TMEM108: variants seen among roughly 807,000 people sequenced by gnomAD.
The protein encoded by TMEM108 is transmembrane protein 108.
TMEM108 carries 12 observed loss-of-function variants against 35.1 expected under a neutral mutation model. The observed-to-expected ratio is 0.34, with a 90% CI of 0.22 to 0.55. TMEM108 has a LOEUF of 0.55. TMEM108 is among the 20% of genes least tolerant of loss of function. The pLI, the probability that TMEM108 is intolerant of heterozygous loss-of-function variation, is 0.89. For synonymous variants in TMEM108, 287 were observed against 308.6 expected (o/e 0.93, Z 0.73); for missense variants, 680 against 753.3 (o/e 0.90, Z 1.14).
intron 2 of TMEM108, among the ~76,000 whole-genome samples, chr3:133,194,211 A>G (rs921595754): frequency 1.3e-5 from 2 of 152,196 alleles, no homozygotes; most frequent in Admixed American, 1.3e-4. Flanking sequence ...CTGGGATTAC[A>G]GGCATGATCC....
intron 2 of TMEM108, among the ~76,000 whole-genome samples, chr3:133,108,628 A>G (rs1944187643): frequency 6.6e-6 from 1 of 151,834 alleles, no homozygotes; most frequent in Non-Finnish European, 1.5e-5. Flanking sequence ...GTTTAATTAG[A>G]TCCCATTTAT....
intron 3 of TMEM108, chr3:133,378,481 A>G (rs2107835404): frequency 5.1e-6 from 5 of 985,506 alleles, no homozygotes; most frequent in Non-Finnish European, 6.0e-6. Context: ...CCATAGTCAG[A>G]GGAGCCTAGC....
At chr3:133,043,785 C>T (rs951848457) in intron 1 of TMEM108, among the ~76,000 whole-genome samples, 1 of 152,092 alleles carries the variant, frequency 6.6e-6, no homozygotes, top group Non-Finnish European at 1.5e-5. Flanking sequence ...AAAAAAAAAT[C>T]CTTAGGTTCC....
chr3:133,257,250 G>A (rs191310928), intron 3 of TMEM108: 20 of 152,278 alleles, frequency 1.3e-4, no homozygotes, highest in Middle Eastern at 3.4e-3. Context: ...GTTATTGAAG[G>A]ATTAACTATA....
chr3:133,270,815 ACACACT>A (rs1216545566), intron 3 of TMEM108, among the ~76,000 whole-genome samples: 4 of 150,716 alleles, frequency 2.7e-5, no homozygotes, highest in African/African-American at 9.8e-5. Context: ...ACACACACAC[ACACACT>A]CACACACTCA....
intron 3 of TMEM108, among the ~76,000 whole-genome samples, chr3:133,266,801 G>A (rs532254546): frequency 1.0e-3 from 159 of 151,916 alleles, no homozygotes; most frequent in African/African-American, 3.5e-3. Flanking sequence ...GGCCGGGCGT[G>A]GTGGCTCATG....
At chr3:133,049,948 G>A (rs1943383716) in intron 2 of TMEM108, among the ~76,000 whole-genome samples, 1 of 152,110 alleles carries the variant, frequency 6.6e-6, no homozygotes, top group Non-Finnish European at 1.5e-5. Context: ...TCTAAAGCAA[G>A]TTTTCCAACA....
At chr3:133,064,213 C>A (rs1053073127) in intron 2 of TMEM108, among the ~76,000 whole-genome samples, 1 of 152,158 alleles carries the variant, frequency 6.6e-6, no homozygotes, top group Admixed American at 6.5e-5. Context: ...AAAAAGCATT[C>A]AGTTCTATCT....
intron 3 of TMEM108, among the ~76,000 whole-genome samples, chr3:133,326,597 A>G (rs2071336368): frequency 1.3e-5 from 2 of 152,166 alleles, no homozygotes; most frequent in African/African-American, 2.4e-5. Flanking sequence ...CTAAGACCCA[A>G]CAATGAATCG....
chr3:133,137,768 A>G (rs548509665), intron 2 of TMEM108, among the ~76,000 whole-genome samples: 39 of 152,348 alleles, frequency 2.6e-4, no homozygotes, highest in African/African-American at 9.1e-4. Context: ...CAAATGGGAC[A>G]GCCAAGGATG....
At chr3:133,075,454 A>C (rs1943727680) in intron 2 of TMEM108, among the ~76,000 whole-genome samples, 1 of 152,116 alleles carries the variant, frequency 6.6e-6, no homozygotes, top group African/African-American at 2.4e-5. Context: ...CATTTCTTTG[A>C]TCACCAGTGA....
At chr3:133,045,570 CA>C (rs1309709062) in intron 1 of TMEM108, among the ~76,000 whole-genome samples, 11 of 152,292 alleles carry the variant, frequency 7.2e-5, no homozygotes, top group African/African-American at 2.4e-4. Context: ...GGAAAAAAAG[CA>C]CAGAGAATGC....
intron 3 of TMEM108, among the ~76,000 whole-genome samples, chr3:133,272,852 A>G (rs1400583240): frequency 6.6e-6 from 1 of 152,158 alleles, no homozygotes; most frequent in Non-Finnish European, 1.5e-5. Flanking sequence ...GGCTGTCACA[A>G]TGACTGGGAA....
At chr3:133,387,821 C>T (rs1402366358) in intron 4 of TMEM108, 1 of 984,776 alleles carries the variant, frequency 1.0e-6, no homozygotes, top group Non-Finnish European at 1.2e-6. Context: ...CACCTAGATT[C>T]TAATTCTAAA....
chr3:133,101,159 A>G (rs1419610808), intron 2 of TMEM108, among the ~76,000 whole-genome samples: 1 of 152,168 alleles, frequency 6.6e-6, no homozygotes, highest in Non-Finnish European at 1.5e-5. Flanking sequence ...GAAAATTTCT[A>G]GTTATTTTAT....
intron 2 of TMEM108, among the ~76,000 whole-genome samples, chr3:133,105,071 A>G (rs903053738): frequency 6.6e-6 from 1 of 152,206 alleles, no homozygotes; most frequent in Admixed American, 6.5e-5. Context: ...ATAACAAATT[A>G]CCACACATTT....
At chr3:133,318,434 TA>T (rs2071224972) in intron 3 of TMEM108, among the ~76,000 whole-genome samples, 1 of 152,230 alleles carries the variant, frequency 6.6e-6, no homozygotes, top group African/African-American at 2.4e-5. Flanking sequence ...AAACCCATTT[TA>T]TAGATTAGGT....
Position 133,380,963 on chromosome 3 carries a change from C to T in TMEM108, c.1252C>T (p.Leu418Phe). ...CATGACCGACCGGGTGCCCAGTCCT[C>T]TCTCCACAGTGGTATCCACAGCCAC... ...LTMTDRVPSP[L>F]STVVSTATGN... The change falls in exon 4 of 6, where the codon CTC becomes TTC. Residue 418 changes from leucine to phenylalanine, a missense_variant. Coordinates refer to ENST00000321871, the MANE Select transcript of TMEM108 (RefSeq NM_023943.4). This position sits in a 1 kb window ranked among gnomAD's most constrained non-coding sequence, Gnocchi z 5.3. The T allele has an allele frequency of 6.2e-7, 1 of 1,614,198 alleles. No homozygotes were observed. Among genetic ancestry groups the T allele is most frequent in the East Asian group, 2.2e-5 (1 of 44,886 alleles).
intron 2 of TMEM108, among the ~76,000 whole-genome samples, chr3:133,058,975 C>T (rs9860165): frequency 0.4 from 60,620 of 152,132 alleles, 12,826 homozygotes; most frequent in Admixed American, 0.5. Flanking sequence ...TATTTCTCAC[C>T]GTTCTGGAGA....
Sources: allele counts gnomAD v4.1 joint callset (sites outside exome capture counted in the v4.1 genomes callset), GRCh38; gene constraint gnomAD v4.1.1; non-coding constraint Gnocchi (gnomAD v3.1); transcripts MANE v1.5; gene names NCBI Gene and HGNC (gene_info 2026-07-23, HGNC 2026-07-21).